Variants in RNASEH2B observed in about 807,000 individuals in gnomAD.
RNASEH2B encodes the protein Aicardi-Goutieres syndrome 2 protein.
In RNASEH2B, 36 loss-of-function variants were observed where a neutral mutation model predicts 45.0. That is an observed-to-expected ratio of 0.80 (90% CI 0.61 to 1.06). The LOEUF is 1.06. Among genes scored for constraint, RNASEH2B ranks in the 50% least tolerant of loss-of-function variants. RNASEH2B has a pLI of 0.00. For missense variants in RNASEH2B, 361 were observed against 360.3 expected (o/e 1.00, Z -0.02); for synonymous variants, 119 against 125.7 (o/e 0.95, Z 0.35).
rs1879258908 is a variant in RNASEH2B, at chr13:50,910,097, C to T, written c.21C>T (p.Cys7=). 1.4e-6 allele frequency: 2 copies of T among 1,460,158 alleles called. No homozygotes were observed. The highest frequency in any genetic ancestry group is 1.5e-5 in the African/African-American group (1 of 67,376). The allele number at this position is 1,460,158 out of a possible 1,614,324, so 90.5% of individuals were successfully genotyped here. MAAGVD[C]GDGVGARQHV... The stretch of plus-strand genomic sequence containing the variant: ...GCGGCATGGCCGCTGGCGTGGACTG[C>T]GGGGACGGGGTTGGCGCCCGGCAGC... Residue 7 remains cysteine (C), a synonymous_variant, in exon 1 of 11, where the codon TGC becomes TGT. Coordinates refer to ENST00000336617, the MANE Select transcript of RNASEH2B (RefSeq NM_024570.4).
At chr13:50,969,990 G>A in exon 10 of RNASEH2B, 1 of 1,551,134 alleles carries the variant, frequency 6.4e-7, no homozygotes, top group South Asian at 1.2e-5. Flanking sequence ...GCAAGGCTTG[G>A]CGGTTTTCCC....
intron 5 of RNASEH2B, chr13:50,938,619 A>G (rs993129616): frequency 3.9e-5 from 6 of 152,206 alleles, no homozygotes; most frequent in Admixed American, 1.3e-4. Flanking sequence ...CGATTCTCAT[A>G]AGGAGCACAC....
rs1011394240 is a variant in RNASEH2B at position 50,909,977 on chromosome 13, G to A, written c.-100G>A. On this transcript the variant is annotated 5_prime_UTR_variant, in exon 1 of 11. Coordinates refer to ENST00000336617, the MANE Select transcript of RNASEH2B (RefSeq NM_024570.4). ...GGCGCTGCCGGTCCCTCAGCGCGCC[G>A]CGCCACCCGGAACAGACCCTTCTCC... 2 of 1,086,122 alleles carry A rather than the reference G, an allele frequency of 1.8e-6. No homozygotes were observed. The highest frequency in any genetic ancestry group is 1.3e-6 in the Non-Finnish European group (1 of 790,740). 67.3% of individuals were successfully genotyped at this position (1,086,122 alleles called of 1,614,324 possible).
chr13:50,969,121 G>A (rs1380210540), intron 9 of RNASEH2B, among the ~76,000 whole-genome samples: 1 of 152,082 alleles, frequency 6.6e-6, no homozygotes, highest in African/African-American at 2.4e-5. Context: ...AACATGGCAG[G>A]CAAAAATAAC....
chr13:50,926,918 C>T (rs919080718), intron 1 of RNASEH2B, among the ~76,000 whole-genome samples: 7 of 151,804 alleles, frequency 4.6e-5, no homozygotes, highest in Admixed American at 1.3e-4. Flanking sequence ...AATATGTTTA[C>T]AATGCTGTAC....
chr13:50,968,258 G>C (rs1774023548), intron 9 of RNASEH2B, among the ~76,000 whole-genome samples: 1 of 152,068 alleles, frequency 6.6e-6, no homozygotes, highest in Non-Finnish European at 1.5e-5. Context: ...AAATTAGCCA[G>C]GTGTGGTGGC....
chr13:50,949,767 C>A (rs568641923), intron 9 of RNASEH2B, among the ~76,000 whole-genome samples: 1 of 152,116 alleles, frequency 6.6e-6, no homozygotes, highest in Non-Finnish European at 1.5e-5. Context: ...ATATTAAAGA[C>A]ATATAGTTAA....
intron 1 of RNASEH2B, among the ~76,000 whole-genome samples, chr13:50,925,539 A>G (rs538075162): frequency 2.6e-5 from 4 of 152,162 alleles, no homozygotes; most frequent in Non-Finnish European, 5.9e-5. Flanking sequence ...GTTTGGTAGG[A>G]CCAGTCCAGC....
intron 8 of RNASEH2B, 31 bp from the exon 9 acceptor site, chr13:50,949,432 T>A: frequency 6.2e-7 from 1 of 1,609,096 alleles, no homozygotes; most frequent in African/African-American, 1.3e-5. Flanking sequence ...TGAAAAACGA[T>A]GACTTTGATT....
At chr13:50,921,270 T>C (rs1951520381) in intron 1 of RNASEH2B, 1 of 152,242 alleles carries the variant, frequency 6.6e-6, no homozygotes, top group South Asian at 2.1e-4. Context: ...TGGACCCTTC[T>C]GATTCTGGGT....
chr13:50,927,901 A>G (rs558189275), intron 2 of RNASEH2B, among the ~76,000 whole-genome samples: 99 of 152,230 alleles, frequency 6.5e-4, no homozygotes, highest in African/African-American at 2.3e-3. Flanking sequence ...TTTACTTGAC[A>G]TGCCAAGATT....
chr13:50,955,154 G>T (rs1306491911), intron 10 of RNASEH2B: 1 of 152,102 alleles, frequency 6.6e-6, no homozygotes, highest in East Asian at 1.9e-4. Flanking sequence ...TTCCCTTTAT[G>T]ATTTTTCCAT....
chr13:50,920,047 T>G (rs1333149134), intron 1 of RNASEH2B, among the ~76,000 whole-genome samples: 1 of 149,826 alleles, frequency 6.7e-6, no homozygotes, highest in Non-Finnish European at 1.5e-5. Context: ...TTGTTTTGTT[T>G]TGTTTTGACA....
chr13:50,915,036 C>T (rs1413838178), intron 1 of RNASEH2B, among the ~76,000 whole-genome samples: 2 of 152,202 alleles, frequency 1.3e-5, no homozygotes, highest in Non-Finnish European at 1.5e-5. Flanking sequence ...TCACTTTTGT[C>T]ATCTCCACAG....
chr13:50,910,073 CGG>C lies in RNASEH2B; in HGVS notation c.-3_-2del. 1 of 1,461,910 alleles carries C rather than the reference CGG, an allele frequency of 6.8e-7. No homozygotes were observed. Among genetic ancestry groups the C allele is most frequent in the Middle Eastern group, 2.3e-4 (1 of 4,368 alleles). 90.6% of individuals were successfully genotyped at this position (1,461,910 alleles called of 1,614,324 possible). ...CCTGCGGCGCCCCGGAAGAGGCGGG[CGG>C]CATGGCCGCTGGCGTGGACTGCGGG... is the stretch of plus-strand genomic sequence containing the variant. On this transcript the variant is annotated 5_prime_UTR_variant, in exon 1 of 11. Coordinates refer to ENST00000336617, the MANE Select transcript of RNASEH2B (RefSeq NM_024570.4).
chr13:50,937,024 A>AT (rs1241799746), intron 5 of RNASEH2B: 1 of 152,060 alleles, frequency 6.6e-6, no homozygotes, highest in East Asian at 1.9e-4. Context: ...CTAGGCCTCA[A>AT]TTTTTTTCTT....
chr13:50,947,816 C>G (rs111805741), intron 7 of RNASEH2B, among the ~76,000 whole-genome samples, 171 bp from the exon 8 acceptor site: 1 of 151,850 alleles, frequency 6.6e-6, no homozygotes, highest in East Asian at 1.9e-4. Context: ...CTAGTCTGAC[C>G]GATAGATATT....
chr13:50,940,385 C>T (rs547825508), intron 5 of RNASEH2B, among the ~76,000 whole-genome samples: 2 of 152,314 alleles, frequency 1.3e-5, no homozygotes, highest in Admixed American at 6.5e-5. Context: ...TGAACATGAA[C>T]ATTGCGTGAA....
At chr13:50,920,922 C>T (rs1951515860) in intron 1 of RNASEH2B, among the ~76,000 whole-genome samples, 1 of 152,108 alleles carries the variant, frequency 6.6e-6, no homozygotes. Context: ...GGCTTTTAAA[C>T]AAGATACACT....
Sources: gnomAD v4.1 joint callset for allele counts (sites outside exome capture counted in the v4.1 genomes callset) on GRCh38, gnomAD v4.1.1 for gene constraint, MANE v1.5 for transcripts, NCBI Gene and HGNC (gene_info 2026-07-23, HGNC 2026-07-21) for gene names.